The following RBFOX1 variants were observed in gnomAD, a reference collection of about 807,000 sequenced individuals.
RBFOX1 encodes RNA binding fox-1 homolog 1.
RBFOX1 carries 8 observed loss-of-function variants against 57.7 expected under a neutral mutation model. The observed-to-expected ratio is 0.14, with a 90% confidence interval of 0.08 to 0.25. The LOEUF (loss-of-function observed/expected upper bound fraction) is 0.25. Among genes scored for constraint, RBFOX1 ranks in the 10% least tolerant of loss-of-function variants. RBFOX1 has a pLI of 1.00. For missense variants in RBFOX1, 611 were observed against 548.5 expected (o/e 1.11, Z -1.14); for synonymous variants, 326 against 222.4 (o/e 1.47, Z -4.15).
chr16:7,223,939 G>T (rs1337585610), intron 4 of RBFOX1, among the ~76,000 whole-genome samples: 1 of 151,854 alleles, frequency 6.6e-6, no homozygotes, highest in Non-Finnish European at 1.5e-5. Flanking sequence ...CACATACCAG[G>T]ATAGGCACAC....
intron 2 of RBFOX1, among the ~76,000 whole-genome samples, chr16:5,503,132 C>T (rs1239237965): frequency 4.6e-5 from 7 of 152,218 alleles, no homozygotes; most frequent in African/African-American, 1.2e-4. Flanking sequence ...CAGGGTGGAG[C>T]CGCAGTTCTG....
intron 1 of RBFOX1, among the ~76,000 whole-genome samples, chr16:5,295,099 T>A (rs1454502075): frequency 6.7e-6 from 1 of 150,028 alleles, no homozygotes; most frequent in Non-Finnish European, 1.5e-5. Flanking sequence ...AAGCTCACGA[T>A]GTCCTGGCAT....
At chr16:6,915,644 G>T (rs373620004) in intron 3 of RBFOX1, among the ~76,000 whole-genome samples, 2 of 149,974 alleles carry the variant, frequency 1.3e-5, no homozygotes, top group Non-Finnish European at 3.0e-5. Context: ...TCTGCCTCTC[G>T]GGTTCAAGTG....
chr16:7,142,873 T>A (rs1020232081), intron 4 of RBFOX1, among the ~76,000 whole-genome samples: 2 of 151,586 alleles, frequency 1.3e-5, no homozygotes, highest in Non-Finnish European at 2.9e-5. Context: ...ATTTTTCTTC[T>A]CTTTTCCTTA....
intron 2 of RBFOX1, chr16:6,577,062 G>T (rs1206300393): frequency 6.6e-6 from 1 of 152,154 alleles, no homozygotes; most frequent in Non-Finnish European, 1.5e-5. Flanking sequence ...CTGTCTTTGG[G>T]ATGCTCCAAA....
intron 2 of RBFOX1, among the ~76,000 whole-genome samples, chr16:6,552,420 C>T (rs2097008999): frequency 6.6e-6 from 1 of 152,240 alleles, no homozygotes. Flanking sequence ...GTAATGTCAT[C>T]TGTAAAATGG....
At chr16:6,982,970 G>A (rs981242822) in intron 3 of RBFOX1, among the ~76,000 whole-genome samples, 1 of 139,026 alleles carries the variant, frequency 7.2e-6, no homozygotes, top group African/African-American at 2.6e-5. Flanking sequence ...CTCCAGCCTG[G>A]GTGACAAGAG....
At chr16:5,908,325 T>C (rs866502658) in intron 4 of RBFOX1, among the ~76,000 whole-genome samples, 2 of 140,334 alleles carry the variant, frequency 1.4e-5, no homozygotes, top group African/African-American at 2.7e-5. Context: ...CACACACACA[T>C]ATATATATGT....
At chr16:7,669,468 T>G (rs2070652763) in intron 13 of RBFOX1, among the ~76,000 whole-genome samples, 1 of 151,466 alleles carries the variant, frequency 6.6e-6, no homozygotes, top group Non-Finnish European at 1.5e-5. Flanking sequence ...AGAGAAAGAG[T>G]GAGAGGATAT....
intron 3 of RBFOX1, among the ~76,000 whole-genome samples, chr16:6,896,771 C>T (rs1419760105): frequency 6.6e-6 from 1 of 152,008 alleles, no homozygotes; most frequent in African/African-American, 2.4e-5. Context: ...CGTGAAGACC[C>T]ACAAATGTAC....
In RBFOX1 at chr16:6,771,967, C is replaced by T. The variant is rs538102388; in HGVS notation, c.-16+117317C>T. Among the ~76,000 whole-genome samples, 5 of 152,216 alleles carry T rather than the reference C, an allele frequency of 3.3e-5. No individual in the cohort carries two copies. The South Asian group carries it at 1.0e-3, about 32-fold the overall frequency. On this transcript the variant is annotated intron_variant, in intron 3 of 15. Transcript: ENST00000550418. Reference sequence around the variant, plus strand: ...TTGTGTAGAATAGCTATATAAGATCCTCAAAATAATTGAAACGGAAAGACT... The same window carrying T: ...TTGTGTAGAATAGCTATATAAGATCTTCAAAATAATTGAAACGGAAAGACT...
intron 1 of RBFOX1, among the ~76,000 whole-genome samples, chr16:5,276,113 C>G: frequency 6.6e-6 from 1 of 152,158 alleles, no homozygotes; most frequent in Non-Finnish European, 1.5e-5. Flanking sequence ...CGTTTCTACA[C>G]ATTGGCTTAG....
At chr16:6,475,225 T>A (rs916647590) in intron 2 of RBFOX1, among the ~76,000 whole-genome samples, 3 of 152,276 alleles carry the variant, frequency 2.0e-5, no homozygotes, top group African/African-American at 7.2e-5. Context: ...GTTTTATAAT[T>A]ATAAAACACA....
At chr16:7,104,495 C>G (rs1203870002) in intron 4 of RBFOX1, among the ~76,000 whole-genome samples, 1 of 152,090 alleles carries the variant, frequency 6.6e-6, no homozygotes, top group Admixed American at 6.6e-5. Context: ...AAAACATAAT[C>G]TATTCAAGAT....
intron 1 of RBFOX1, among the ~76,000 whole-genome samples, chr16:5,314,829 G>GAAAAAAA (rs35632580): frequency 1.4e-5 from 2 of 139,452 alleles, no homozygotes. Flanking sequence ...GAAGATATTG[G>GAAAAAAA]AAAAAAAAAA....
At chr16:7,041,510 C>A (rs1428691860) in intron 3 of RBFOX1, among the ~76,000 whole-genome samples, 3 of 152,176 alleles carry the variant, frequency 2.0e-5, no homozygotes, top group Non-Finnish European at 4.4e-5. Context: ...GCTGTCCTTA[C>A]TTCCTCATTC....
chr16:5,701,743 G>T (rs1286135501), intron 3 of RBFOX1, among the ~76,000 whole-genome samples: 1 of 152,128 alleles, frequency 6.6e-6, no homozygotes, highest in Non-Finnish European at 1.5e-5. Context: ...CAAGGTGGAG[G>T]ACCTTTGATG....
chr16:7,278,690 C>T (rs959688579), intron 4 of RBFOX1, among the ~76,000 whole-genome samples: 4 of 152,170 alleles, frequency 2.6e-5, no homozygotes, highest in African/African-American at 9.7e-5. Context: ...ATTTTTATTT[C>T]CTTTTCAGTG....
intron 3 of RBFOX1, among the ~76,000 whole-genome samples, chr16:6,844,262 A>T (rs781276043): frequency 6.6e-6 from 1 of 152,030 alleles, no homozygotes. Context: ...ATAGGTAAAT[A>T]GGTACCATGG....
Sources: gnomAD v4.1 joint callset for allele counts (sites outside exome capture counted in the v4.1 genomes callset) on GRCh38, gnomAD v4.1.1 for gene constraint, MANE v1.5 for transcripts, NCBI Gene and HGNC (gene_info 2026-07-23, HGNC 2026-07-21) for gene names.